The following CCDC13 variants were observed in gnomAD, a reference collection of about 807,000 sequenced individuals.
CCDC13 encodes coiled-coil domain containing 13.
Under a neutral mutation model 87.3 loss-of-function variants are expected in CCDC13, and 70 were observed. The observed-to-expected ratio is 0.80, with a 90% CI of 0.66 to 0.98. The LOEUF (loss-of-function observed/expected upper bound fraction) is 0.98. CCDC13 is among the 50% of genes least tolerant of loss of function. The probability of loss-of-function intolerance (pLI) is 0.00; values close to 1 mark genes in which losing one functional copy is unlikely to be tolerated. For missense variants in CCDC13, 842 were observed against 892.0 expected (o/e 0.94, Z 0.71); for synonymous variants, 317 against 360.3 (o/e 0.88, Z 1.36).
At chr3:42,723,816 G>A (rs1698621041) in intron 13 of CCDC13, among the ~76,000 whole-genome samples, 2 of 151,860 alleles carry the variant, frequency 1.3e-5, no homozygotes, top group Admixed American at 1.3e-4. Flanking sequence ...ATAGAAGAAT[G>A]GTAAATAAAT....
intron 13 of CCDC13, 68 bp from the exon 14 acceptor site, chr3:42,713,384 C>T (rs1225631462): frequency 1.9e-6 from 3 of 1,554,834 alleles, no homozygotes; most frequent in Non-Finnish European, 2.6e-6. Flanking sequence ...CCCACTTGCT[C>T]AGGCCCTTAG....
rs1559640071 is a variant in CCDC13 at position 42,722,858 on chromosome 3, A to AGTGGCG, written c.1718+7608_1718+7609insCGCCAC. 4.9e-4 allele frequency among the ~76,000 whole-genome samples: 70 copies of AGTGGCG among 143,334 alleles called. No homozygotes were observed. The East Asian group carries it at 0.012, about 25-fold the overall frequency. The allele number at this position is 143,334 out of a possible 152,430, so 94.0% of individuals were successfully genotyped here. ...GTCACCCAGGCTGGAGTGCAGTGGCACTATCTCGGCTCATTGCAAGCTCCG... is the reference window on the plus strand; with the variant it reads ...GTCACCCAGGCTGGAGTGCAGTGGCAGTGGCGCTATCTCGGCTCATTGCAAGCTCCG... On this transcript the variant is annotated intron_variant, in intron 13 of 15. Coordinates refer to ENST00000310232, the MANE Select transcript of CCDC13 (RefSeq NM_144719.4).
In CCDC13 at chr3:42,757,145, C is replaced by A; in HGVS notation, c.291G>T (p.Leu97Phe). ...LRETVDENGR[L>F]YKLLKERDFE... The stretch of plus-strand genomic sequence containing the variant: ...AGTCCCTTTCCTTCAGCAGCTTATA[C>A]AATCGCCCGTTCTCGTCCACCGTTT... The change falls in exon 3 of 16, where the codon TTG (leucine) becomes TTT (phenylalanine). Residue 97 changes from leucine to phenylalanine, a missense_variant. Physicochemically the swap from Leu to Phe is conservative, Grantham distance 22. Coordinates refer to ENST00000310232, the MANE Select transcript of CCDC13 (RefSeq NM_144719.4). 6.2e-7 allele frequency: 1 copy of A among 1,614,218 alleles called. No individual in the cohort carries two copies. The highest frequency in any genetic ancestry group is 1.1e-5 in the South Asian group (1 of 91,090).
rs745758605 is a variant in CCDC13, at chr3:42,757,080, C to A, written c.356G>T (p.Arg119Ile). The A allele has an allele frequency of 6.2e-7, 1 of 1,614,092 alleles. No homozygotes were observed. The highest frequency in any genetic ancestry group is 1.7e-5 in the Admixed American group (1 of 60,006). The change falls in exon 3 of 16, where the codon AGA becomes ATA. Residue 119 changes from arginine (R) to isoleucine (I), a missense_variant. Transcript: ENST00000310232. ...GGTGGAGCTACCTGTGAAGGCAAATCTGTCCTCTTCTATTTTCTTTTTGAG... is the reference window on the plus strand; with the variant it reads ...GGTGGAGCTACCTGTGAAGGCAAATATGTCCTCTTCTATTTTCTTTTTGAG... The part of the protein sequence containing the change: ...KHLKKKIEED[R>I]FAFTGTAGVA...
At chr3:42,733,692 C>T (rs957253760) in intron 10 of CCDC13, 83 bp from the exon 11 acceptor site, 26 of 1,492,482 alleles carry the variant, frequency 1.7e-5, no homozygotes, top group East Asian at 1.4e-4. Context: ...GGCTTGATTT[C>T]GGGGCTTTCA....
intron 13 of CCDC13, among the ~76,000 whole-genome samples, chr3:42,725,458 C>T (rs758404586): frequency 2.1e-5 from 3 of 145,338 alleles, no homozygotes; most frequent in Non-Finnish European, 3.0e-5. Context: ...CACTGGAGCC[C>T]GGGAAGTTGA....
intron 1 of CCDC13, among the ~76,000 whole-genome samples, chr3:42,768,223 T>C (rs339663): frequency 0.046 from 6,992 of 152,238 alleles, 551 homozygotes; most frequent in African/African-American, 0.16. Flanking sequence ...ATGGGTTATA[T>C]ACTGAAATGT....
chr3:42,729,203 G>A (rs1292106053), intron 13 of CCDC13, among the ~76,000 whole-genome samples: 7 of 152,178 alleles, frequency 4.6e-5, no homozygotes, highest in Non-Finnish European at 7.3e-5. Context: ...CCCCAAACTC[G>A]GATGTAACTC....
chr3:42,715,346 G>A (rs980651808), intron 13 of CCDC13, among the ~76,000 whole-genome samples: 12 of 151,128 alleles, frequency 7.9e-5, no homozygotes, highest in African/African-American at 1.2e-4. Flanking sequence ...GGCCACGCAC[G>A]ATGGCTCACG....
At position 42,757,071 on chromosome 3, in the gene CCDC13, A is replaced by C; in HGVS notation, c.365T>G (p.Phe122Cys). 1 of 1,613,782 alleles carries C rather than the reference A, an allele frequency of 6.2e-7. No individual in the cohort carries two copies. Among genetic ancestry groups the C allele is most frequent in the Non-Finnish European group, 8.5e-7 (1 of 1,179,770 alleles). ...KKKIEEDRFA[F>C]TGTAGVAGDV... ...CACAACAATGGTGGAGCTACCTGTG[A>C]AGGCAAATCTGTCCTCTTCTATTTT... Residue 122 changes from phenylalanine (F) to cysteine (C), a missense_variant, in exon 3 of 16, where the codon TTC (phenylalanine) becomes TGC (cysteine). Phe to Cys is a radical substitution (Grantham distance 205). Coordinates refer to ENST00000310232, the MANE Select transcript of CCDC13 (RefSeq NM_144719.4).
intron 6 of CCDC13, chr3:42,746,737 T>C (rs527696462): frequency 1.7e-4 from 31 of 182,410 alleles, no homozygotes; most frequent in Admixed American, 1.6e-3. Context: ...GAATTCGCTA[T>C]GTAAATAAAA....
chr3:42,707,594 G>A lies in CCDC13; in HGVS notation c.*1386C>T, dbSNP rs1575260915. Among the ~76,000 whole-genome samples, 1 of 152,218 alleles carries A rather than the reference G, an allele frequency of 6.6e-6. No homozygotes were observed. The highest frequency in any genetic ancestry group is 1.9e-4 in the East Asian group (1 of 5,176). On this transcript the variant is annotated 3_prime_UTR_variant, in exon 16 of 16. Coordinates refer to ENST00000310232, the MANE Select transcript of CCDC13 (RefSeq NM_144719.4). ...CGCAGGAGCCCCAGTGGCTTTTCCT[G>A]GGGAAGGGGGTGTTTTCACAGTATG...
At chr3:42,716,689 G>A (rs1434270661) in intron 13 of CCDC13, among the ~76,000 whole-genome samples, 1 of 152,166 alleles carries the variant, frequency 6.6e-6, no homozygotes, top group Non-Finnish European at 1.5e-5. Flanking sequence ...AGGAAAATAA[G>A]TGTTGGTGAG....
chr3:42,741,706 C>T (rs1458791964), intron 8 of CCDC13, among the ~76,000 whole-genome samples: 2 of 152,160 alleles, frequency 1.3e-5, no homozygotes, highest in Admixed American at 6.5e-5. Flanking sequence ...CATTGCACTC[C>T]AGCCTGGGCA....
At chr3:42,747,514 CCT>C (rs1699446263) in intron 5 of CCDC13, 141 bp from the exon 6 acceptor site, 3 of 659,666 alleles carry the variant, frequency 4.5e-6, no homozygotes, top group Non-Finnish European at 8.0e-6. Context: ...CTCATAAACC[CCT>C]GTGAGGTAGG....
At chr3:42,743,430 A>G (rs554075272) in intron 7 of CCDC13, among the ~76,000 whole-genome samples, 16 of 113,952 alleles carry the variant, frequency 1.4e-4, no homozygotes, top group Middle Eastern at 4.2e-3. Context: ...TTATTTATTT[A>G]TTTTAGAGAC....
chr3:42,713,702 AT>A (rs1273287406), intron 13 of CCDC13, among the ~76,000 whole-genome samples: 1 of 152,194 alleles, frequency 6.6e-6, no homozygotes, highest in Non-Finnish European at 1.5e-5. Flanking sequence ...ATTTAGTTTT[AT>A]TTTAGTACTC....
chr3:42,772,359 A>T (rs1700144348), intron 1 of CCDC13, among the ~76,000 whole-genome samples: 1 of 151,818 alleles, frequency 6.6e-6, no homozygotes, highest in African/African-American at 2.4e-5. Flanking sequence ...GGTAGGACTT[A>T]GAGCCAGGGA....
At chr3:42,732,856 CTG>C (rs1455538942) in intron 12 of CCDC13, 29 bp downstream of exon 12, 17 of 1,535,474 alleles carry the variant, frequency 1.1e-5, no homozygotes, top group Non-Finnish European at 1.4e-5. Flanking sequence ...TGGGAAAAAA[CTG>C]TGAGAGTCCG....
Sources: gnomAD v4.1 joint callset for allele counts (sites outside exome capture counted in the v4.1 genomes callset) on GRCh38, gnomAD v4.1.1 for gene constraint, MANE v1.5 for transcripts, NCBI Gene and HGNC (gene_info 2026-07-23, HGNC 2026-07-21) for gene names.